COTL1: variants seen among roughly 807,000 people sequenced by gnomAD.
The protein encoded by COTL1 is coactosin like F-actin binding protein 1.
In COTL1, 15 loss-of-function variants were observed where a neutral mutation model predicts 16.5. That is an observed-to-expected ratio of 0.91 (90% CI 0.61 to 1.40). The LOEUF is 1.40. Ranked by LOEUF, COTL1 falls within the 40% of genes most tolerant of loss-of-function variation. COTL1 has a pLI of 0.00. For missense variants in COTL1, 220 were observed against 201.5 expected, an observed-to-expected ratio of 1.09 and a Z score of -0.56; for synonymous variants, 112 against 85.3, an observed-to-expected ratio of 1.31 and a Z score of -1.73.
intron 2 of COTL1, among the ~76,000 whole-genome samples, chr16:84,617,088 G>A (rs1401698892): frequency 6.6e-6 from 1 of 152,192 alleles, no homozygotes; most frequent in Non-Finnish European, 1.5e-5. Flanking sequence ...CGGGAGAAAG[G>A]AGGGCGCGGC....
chr16:84,607,788 G>C (rs1280462616), intron 2 of COTL1, among the ~76,000 whole-genome samples: 5 of 152,154 alleles, frequency 3.3e-5, no homozygotes, highest in African/African-American at 9.7e-5. Flanking sequence ...ACTGGGGTCA[G>C]GGAAAGGACT....
In COTL1 at chr16:84,612,590, C is replaced by G. The variant is rs541897579; in HGVS notation, c.160+4911G>C. ...CTGAGGTCAGGAGTTTGAGACCAGC[C>G]TGGCCAACATGGTGAAACCCCGTCT... On this transcript the variant is annotated intron_variant, in intron 2 of 3. Coordinates refer to ENST00000262428, the MANE Select transcript of COTL1 (RefSeq NM_021149.5). Among the ~76,000 whole-genome samples the G allele has an allele frequency of 1.4e-4, 22 of 151,798 alleles. No individual in the cohort carries two copies. In the South Asian group the frequency reaches 3.3e-3, roughly 23 times the overall value.
At position 84,617,540 on chromosome 16, in the gene COTL1, G is replaced by C; in HGVS notation, c.121C>G (p.Gln41Glu). ...YDGSTIVPGE[Q>E]GAEYQHFIQQ... ...ATGAAGTGCTGGTACTCCGCTCCCT[G>C]CTCGCCGGGGACGATGGTGGAGCCG... is the stretch of plus-strand genomic sequence containing the variant. Residue 41 changes from glutamine (Q) to glutamate (E), a missense_variant, in exon 2 of 4, where the codon CAG (glutamine) becomes GAG (glutamate). Gln to Glu is a conservative substitution (Grantham distance 29, BLOSUM62 2). Transcript: ENST00000262428. 1 of 1,557,936 alleles carries C rather than the reference G, an allele frequency of 6.4e-7. No homozygotes were observed. The highest frequency in any genetic ancestry group is 1.4e-5 in the African/African-American group (1 of 73,586).
chr16:84,612,735 G>A (rs1363945372), intron 2 of COTL1, among the ~76,000 whole-genome samples: 1 of 152,100 alleles, frequency 6.6e-6, no homozygotes, highest in African/African-American at 2.4e-5. Context: ...CTCCAGCCTG[G>A]GCGACAGAGA....
At position 84,587,076 on chromosome 16, in the gene COTL1, T is replaced by C. The variant is rs542694074; in HGVS notation, c.318+3029A>G. On this transcript the variant is annotated intron_variant, in intron 3 of 3. Coordinates refer to ENST00000262428, the MANE Select transcript of COTL1 (RefSeq NM_021149.5). ...AGACCTTTGGCCACAGAACAGGACT[T>C]CTTTTTCATTTTCCATCCTGCTGCC... Among the ~76,000 whole-genome samples, 546 of 152,202 alleles carry C rather than the reference T, an allele frequency of 3.6e-3. 6 individuals carry two copies. The highest frequency in any genetic ancestry group is 0.012 in the African/African-American group (519 of 41,526).
chr16:84,611,661 C>T (rs1007760151), intron 2 of COTL1, among the ~76,000 whole-genome samples: 4 of 152,162 alleles, frequency 2.6e-5, no homozygotes, highest in African/African-American at 9.7e-5. Flanking sequence ...AATGAATAAA[C>T]AGGAGAATGA....
chr16:84,566,572 C>A lies in COTL1; in HGVS notation c.*273G>T. 3 of 389,550 alleles carry A rather than the reference C, an allele frequency of 7.7e-6. No homozygotes were observed. Among genetic ancestry groups the A allele is most frequent in the Non-Finnish European group, 4.7e-6 (1 of 213,568 alleles). 24.1% of individuals were successfully genotyped at this position (389,550 alleles called of 1,614,324 possible). A position where few individuals can be genotyped will look rare whatever the true frequency, so the allele number is the denominator to read the frequency against. ...GGATCTGATGGCAGGCAGGACCTTG[C>A]ATCAAAATGACTTTTCTTTAGAACA... On this transcript the variant is annotated 3_prime_UTR_variant, in exon 4 of 4. Transcript: ENST00000262428.
intron 3 of COTL1, among the ~76,000 whole-genome samples, chr16:84,573,393 G>A (rs571152977): frequency 3.3e-5 from 5 of 152,308 alleles, no homozygotes; most frequent in South Asian, 4.2e-4. Context: ...ATCATGAATC[G>A]CAGAGCATTA....
intron 3 of COTL1, among the ~76,000 whole-genome samples, chr16:84,588,770 GC>G (rs1904792784): frequency 6.6e-6 from 1 of 151,776 alleles, no homozygotes; most frequent in Non-Finnish European, 1.5e-5. Flanking sequence ...TCCCACCTTA[GC>G]CTCCCAAAGT....
At chr16:84,617,445 G>C in intron 2 of COTL1, 56 bp downstream of exon 2, 1 of 1,501,416 alleles carries the variant, frequency 6.7e-7, no homozygotes, top group Non-Finnish European at 9.1e-7. Context: ...GGGGCTCCCC[G>C]GGTGCAGACA....
intron 2 of COTL1, among the ~76,000 whole-genome samples, chr16:84,607,853 C>T (rs77847106): frequency 0.012 from 1,765 of 152,070 alleles, 29 homozygotes; most frequent in African/African-American, 0.04. Context: ...AGAAATGTCC[C>T]GGAGAAGACA....
Position 84,611,175 on chromosome 16 carries a change from C to T in COTL1, c.160+6326G>A, listed in dbSNP as rs545680894. ...AGCAAGGCTATCGTTCAAAGCAAGA[C>T]GCCCCAGCCTCACCACTGATGCTCT... On this transcript the variant is annotated intron_variant, in intron 2 of 3. Coordinates refer to ENST00000262428, the MANE Select transcript of COTL1 (RefSeq NM_021149.5). Among the ~76,000 whole-genome samples the T allele has an allele frequency of 4.0e-3, 612 of 152,362 alleles. 1 individual carries two copies. The highest frequency in any genetic ancestry group is 6.9e-3 in the Non-Finnish European group (470 of 68,036).
At chr16:84,611,526 T>C (rs2150697243) in intron 2 of COTL1, among the ~76,000 whole-genome samples, 1 of 152,334 alleles carries the variant, frequency 6.6e-6, no homozygotes, top group South Asian at 2.1e-4. Flanking sequence ...ACCAGCGGTC[T>C]GTCCTGGGAG....
chr16:84,586,678 G>A (rs896425616), intron 3 of COTL1, among the ~76,000 whole-genome samples: 7 of 152,072 alleles, frequency 4.6e-5, no homozygotes, highest in African/African-American at 1.2e-4. Flanking sequence ...TGATCTCCTG[G>A]GTTCAAGCAA....
chr16:84,615,876 T>TGTGTGTGTGTGG (rs755850381), intron 2 of COTL1: 2 of 149,942 alleles, frequency 1.3e-5, no homozygotes, highest in Non-Finnish European at 3.0e-5. Context: ...TGTGTGTGTG[T>TGTGTGTGTGTGG]GCGCGCACGC....
Position 84,590,037 on chromosome 16 carries a change from C to G in COTL1, c.318+68G>C. 5 of 1,524,584 alleles carry G rather than the reference C, an allele frequency of 3.3e-6. No individual in the cohort carries two copies. The highest frequency in any genetic ancestry group is 2.3e-5 in the East Asian group (1 of 43,718). 94.4% of individuals were successfully genotyped at this position (1,524,584 alleles called of 1,614,324 possible). On this transcript the variant is annotated intron_variant, in intron 3 of 3. Transcript: ENST00000262428. This position sits in a 1 kb window ranked among gnomAD's most constrained non-coding sequence, Gnocchi z 5.5. ...ACAGACCCAGGAGTCGAACCCAGCC[C>G]TCTCCCTCCTTGCAGGATGGTGACC...
At chr16:84,580,337 T>C (rs1040658910) in intron 3 of COTL1, among the ~76,000 whole-genome samples, 4 of 152,190 alleles carry the variant, frequency 2.6e-5, no homozygotes, top group Non-Finnish European at 5.9e-5. Context: ...TGATCATAGC[T>C]CACTGCATCC....
intron 3 of COTL1, among the ~76,000 whole-genome samples, chr16:84,581,627 C>T (rs903168244): frequency 5.3e-5 from 8 of 152,230 alleles, no homozygotes; most frequent in East Asian, 1.9e-4. Flanking sequence ...CCGCAGCCTC[C>T]GGAGTAGCTG....
At chr16:84,614,140 GT>G (rs1905406253) in intron 2 of COTL1, among the ~76,000 whole-genome samples, 1 of 152,242 alleles carries the variant, frequency 6.6e-6, no homozygotes, top group Non-Finnish European at 1.5e-5. Context: ...AGAGGCCACA[GT>G]GGATTTTCTG....
Sources: allele counts gnomAD v4.1 joint callset (sites outside exome capture counted in the v4.1 genomes callset), GRCh38; gene constraint gnomAD v4.1.1; non-coding constraint Gnocchi (gnomAD v3.1); transcripts MANE v1.5; gene names NCBI Gene and HGNC (gene_info 2026-07-23, HGNC 2026-07-21).